The following MANBA variants were observed in gnomAD, a reference collection of about 807,000 sequenced individuals.
MANBA encodes the protein beta-mannosidase.
MANBA carries 83 observed loss-of-function variants against 111.1 expected under a neutral mutation model. The ratio of observed to expected loss-of-function variants is 0.75; its 90% confidence interval spans 0.63 to 0.90. The LOEUF (loss-of-function observed/expected upper bound fraction) is 0.90, where lower values mean the gene tolerates loss of function less well. Among genes scored for constraint, MANBA ranks in the 40% least tolerant of loss-of-function variants. MANBA has a pLI of 0.00. For missense variants in MANBA, 1,036 were observed against 1,069.0 expected (o/e 0.97, Z 0.43); for synonymous variants, 370 against 378.7 (o/e 0.98, Z 0.27).
At chr4:102,691,918 C>A (rs1041985176) in intron 5 of MANBA, among the ~76,000 whole-genome samples, 13 of 152,086 alleles carry the variant, frequency 8.5e-5, no homozygotes, top group African/African-American at 2.4e-4. Flanking sequence ...TGTGAAGGCC[C>A]ATGAGTGAGA....
intron 1 of MANBA, chr4:102,752,172 G>A (rs1037788884): frequency 2.5e-6 from 2 of 789,748 alleles, no homozygotes; most frequent in Admixed American, 1.7e-5. Context: ...TCAGTTCTGT[G>A]GTCAGATGCT....
chr4:102,687,932 A>C (rs1732292247), intron 7 of MANBA, among the ~76,000 whole-genome samples: 1 of 152,148 alleles, frequency 6.6e-6, no homozygotes, highest in African/African-American at 2.4e-5. Flanking sequence ...CATTTCACAC[A>C]CATGCATTAA....
chr4:102,758,435 A>AT (rs1286692699), intron 1 of MANBA, among the ~76,000 whole-genome samples: 2 of 152,190 alleles, frequency 1.3e-5, no homozygotes, highest in Admixed American at 6.5e-5. Context: ...ACGGTAGAAT[A>AT]TTTCCTCAAG....
intron 1 of MANBA, among the ~76,000 whole-genome samples, chr4:102,746,142 C>A (rs1287777625): frequency 6.6e-6 from 1 of 152,160 alleles, no homozygotes; most frequent in African/African-American, 2.4e-5. Context: ...GAAGCTGTTT[C>A]TTCTGGCAAA....
intron 7 of MANBA, among the ~76,000 whole-genome samples, chr4:102,684,685 T>C (rs1343591717): frequency 6.6e-6 from 1 of 152,160 alleles, no homozygotes; most frequent in South Asian, 2.1e-4. Flanking sequence ...AGTAGGTGCC[T>C]GAAACTGCAG....
chr4:102,688,096 C>A (rs115972694), intron 7 of MANBA, among the ~76,000 whole-genome samples: 1 of 152,100 alleles, frequency 6.6e-6, no homozygotes, highest in Non-Finnish European at 1.5e-5. Context: ...ACAGAAGTTC[C>A]TCTTCTTTCT....
chr4:102,709,351 GAAGAA>G (rs1721928406), intron 5 of MANBA, among the ~76,000 whole-genome samples: 3 of 127,586 alleles, frequency 2.4e-5, no homozygotes, highest in Admixed American at 1.6e-4. Context: ...AGGAAGGAAG[GAAGAA>G]AAGAAAAGAA....
At chr4:102,644,597 T>C (rs1360854637) in intron 13 of MANBA, among the ~76,000 whole-genome samples, 1 of 152,058 alleles carries the variant, frequency 6.6e-6, no homozygotes, top group Non-Finnish European at 1.5e-5. Context: ...CAGAGTAGAA[T>C]GGTGGGCTGG....
intron 4 of MANBA, among the ~76,000 whole-genome samples, chr4:102,715,597 A>AT (rs1167425799): frequency 6.6e-6 from 1 of 152,128 alleles, no homozygotes; most frequent in Non-Finnish European, 1.5e-5. Flanking sequence ...TCATCCAGCT[A>AT]TTAAGCCTAG....
At chr4:102,655,334 AT>A (rs1272715141) in intron 12 of MANBA, among the ~76,000 whole-genome samples, 2 of 152,202 alleles carry the variant, frequency 1.3e-5, no homozygotes, top group African/African-American at 4.8e-5. Context: ...TCATTTGGAA[AT>A]GCAAGCCACC....
chr4:102,725,829 T>A (rs1205538743), intron 2 of MANBA, among the ~76,000 whole-genome samples: 1 of 150,666 alleles, frequency 6.6e-6, no homozygotes, highest in Non-Finnish European at 1.5e-5. Context: ...CACAGGAAGA[T>A]GAAGAAAAGA....
At chr4:102,733,303 G>A (rs1173895242) in intron 1 of MANBA, among the ~76,000 whole-genome samples, 1 of 151,074 alleles carries the variant, frequency 6.6e-6, no homozygotes, top group African/African-American at 2.4e-5. Flanking sequence ...AGTTTTTCCT[G>A]AAAACTTGAG....
intron 10 of MANBA, chr4:102,668,757 T>C (rs551089905): frequency 1.5e-5 from 8 of 549,452 alleles, no homozygotes; most frequent in African/African-American, 1.1e-4. Context: ...AAATCAGGAC[T>C]GGGGATAAAT....
At chr4:102,708,117 A>C (rs1733386377) in intron 5 of MANBA, among the ~76,000 whole-genome samples, 1 of 152,188 alleles carries the variant, frequency 6.6e-6, no homozygotes, top group Admixed American at 6.5e-5. Context: ...CAAAAAATTA[A>C]CAAAGAAACA....
intron 7 of MANBA, chr4:102,681,406 C>T (rs1260916120): frequency 6.6e-6 from 1 of 152,106 alleles, no homozygotes; most frequent in East Asian, 1.9e-4. Context: ...AAGCATACCA[C>T]TGATGTCATG....
At chr4:102,693,058 A>G (rs1244190390) in intron 5 of MANBA, among the ~76,000 whole-genome samples, 3 of 152,158 alleles carry the variant, frequency 2.0e-5, no homozygotes, top group Non-Finnish European at 2.9e-5. Context: ...CTTAAGAACT[A>G]TTTTTGTTTA....
chr4:102,631,104 CTTTGTGTG>C lies in MANBA; in HGVS notation c.*945_*952del, dbSNP rs1470414614. The C allele has an allele frequency of 0.016, 2,158 of 138,950 alleles. 32 individuals are homozygous for C. Among genetic ancestry groups the C allele is most frequent in the African/African-American group, 0.02 (748 of 36,540 alleles). 8.6% of individuals were successfully genotyped at this position (138,950 alleles called of 1,614,324 possible). A position where few individuals can be genotyped will look rare whatever the true frequency, so the allele number is the denominator to read the frequency against. On this transcript the variant is annotated 3_prime_UTR_variant, in exon 17 of 17. Transcript: ENST00000647097. The stretch of plus-strand genomic sequence containing the variant: ...AAGTCCCCTTATCCCCTTGATAAGG[CTTTGTGTG>C]TGTGTGTGTGTGTGTGTGTGTGTGT...
chr4:102,751,306 G>C (rs1723781042), intron 1 of MANBA: 1 of 338,280 alleles, frequency 3.0e-6, no homozygotes, highest in African/African-American at 2.1e-5. Flanking sequence ...TCGCTTACCT[G>C]TGCAGTCTAA....
intron 7 of MANBA, among the ~76,000 whole-genome samples, chr4:102,679,174 G>A (rs1731853126): frequency 6.6e-6 from 1 of 152,166 alleles, no homozygotes; most frequent in South Asian, 2.1e-4. Context: ...GATGACACAA[G>A]AGACATTCTT....
Sources: gnomAD v4.1 joint callset for allele counts (sites outside exome capture counted in the v4.1 genomes callset) on GRCh38, gnomAD v4.1.1 for gene constraint, MANE v1.5 for transcripts, NCBI Gene and HGNC (gene_info 2026-07-23, HGNC 2026-07-21) for gene names.